Variants in ZNF385D observed in about 807,000 individuals in gnomAD.
ZNF385D encodes the protein zinc finger protein 385D.
Under a neutral mutation model 35.8 loss-of-function variants are expected in ZNF385D, and 15 were observed. The observed-to-expected ratio is 0.42, with a 90% CI of 0.28 to 0.64. The LOEUF is 0.64. Among genes scored for constraint, ZNF385D ranks in the 30% least tolerant of loss-of-function variants. The probability of loss-of-function intolerance (pLI) is 0.23; values close to 1 mark genes in which losing one functional copy is unlikely to be tolerated. For missense variants in ZNF385D, 474 were observed against 494.6 expected, an observed-to-expected ratio of 0.96 and a Z score of 0.39; for synonymous variants, 212 against 186.8, an observed-to-expected ratio of 1.13 and a Z score of -1.10.
chr3:21,760,809 T>C (rs975040478), intron 3 of ZNF385D, among the ~76,000 whole-genome samples: 2 of 152,142 alleles, frequency 1.3e-5, no homozygotes, highest in African/African-American at 4.8e-5. Flanking sequence ...GATAATTCAA[T>C]GGTAGTATTG....
chr3:22,167,689 T>A (rs937273880), intron 3 of ZNF385D, among the ~76,000 whole-genome samples: 3 of 152,146 alleles, frequency 2.0e-5, no homozygotes, highest in Non-Finnish European at 4.4e-5. Flanking sequence ...GCTGGCCAGG[T>A]GTTTCTGGCT....
intron 3 of ZNF385D, among the ~76,000 whole-genome samples, chr3:21,997,924 A>G (rs1176925047): frequency 6.6e-6 from 1 of 150,996 alleles, no homozygotes; most frequent in Admixed American, 6.6e-5. Context: ...AGAGAGAGAG[A>G]GAAATTAGGG....
At chr3:22,338,916 G>T (rs142721904) in intron 2 of ZNF385D, among the ~76,000 whole-genome samples, 4 of 151,860 alleles carry the variant, frequency 2.6e-5, no homozygotes, top group African/African-American at 4.8e-5. Context: ...GGCCAGGCTC[G>T]TCTCGAACTC....
intron 3 of ZNF385D, among the ~76,000 whole-genome samples, chr3:22,091,773 C>T (rs2695636): frequency 0.079 from 11,982 of 152,198 alleles, 604 homozygotes; most frequent in Middle Eastern, 0.16. Flanking sequence ...TTTCTCTTTG[C>T]CTGTTATATG....
intron 1 of ZNF385D, among the ~76,000 whole-genome samples, chr3:21,708,244 T>C (rs542492318): frequency 6.6e-6 from 1 of 152,350 alleles, no homozygotes; most frequent in South Asian, 2.1e-4. Flanking sequence ...GCAGCAGCAG[T>C]AACTGCTAAG....
In ZNF385D at chr3:21,796,031, G is replaced by T. The variant is rs918796244; in HGVS notation, c.326-131003C>A. Reference sequence around the variant, plus strand: ...ACTATGTGGCAATACTATCATAGCAGAGTCCAGAAAACTCTCAGTTTCTTC... The same window carrying T: ...ACTATGTGGCAATACTATCATAGCATAGTCCAGAAAACTCTCAGTTTCTTC... On this transcript the variant is annotated intron_variant, in intron 3 of 5. Coordinates refer to the ZNF385D transcript ENST00000494108. 2.0e-5 allele frequency among the ~76,000 whole-genome samples: 3 copies of T among 152,232 alleles called. No individual in the cohort carries two copies. The East Asian group carries it at 5.8e-4, about 29-fold the overall frequency.
chr3:21,765,628 G>T (rs1194497703), intron 3 of ZNF385D, among the ~76,000 whole-genome samples: 2 of 145,346 alleles, frequency 1.4e-5, no homozygotes, highest in African/African-American at 5.1e-5. Context: ...GTGCAAGATG[G>T]ATAAGCAACA....
intron 3 of ZNF385D, among the ~76,000 whole-genome samples, chr3:21,996,590 C>G (rs981868207): frequency 7.2e-5 from 11 of 152,194 alleles, no homozygotes; most frequent in African/African-American, 2.7e-4. Flanking sequence ...AGTGAGCACT[C>G]ACTGTCACAC....
chr3:22,205,839 G>C (rs1697113377), intron 2 of ZNF385D, among the ~76,000 whole-genome samples: 1 of 151,990 alleles, frequency 6.6e-6, no homozygotes, highest in Non-Finnish European at 1.5e-5. Flanking sequence ...AGGAAAGAAA[G>C]AAGGAAGAGA....
rs1025007613 is a variant in ZNF385D at position 21,627,052 on chromosome 3, GT to G, written c.165+37833del. ...TTTTTTTTGGACAATTTAGGGAGGT[GT>G]TTTTTTTTTTCTCCTACACAACTAA... On this transcript the variant is annotated intron_variant, in intron 2 of 7. Coordinates refer to ENST00000281523, the MANE Select transcript of ZNF385D (RefSeq NM_024697.3). Among the ~76,000 whole-genome samples the G allele has an allele frequency of 2.5e-3, 367 of 144,086 alleles. 2 individuals are homozygous for G. The highest frequency in any genetic ancestry group is 7.1e-3 in the African/African-American group (282 of 39,594). 94.5% of individuals were successfully genotyped at this position (144,086 alleles called of 152,430 possible). A position where few individuals can be genotyped will look rare whatever the true frequency, so the allele number is the denominator to read the frequency against.
At chr3:21,885,883 C>T (rs902488207) in intron 3 of ZNF385D, among the ~76,000 whole-genome samples, 3 of 151,734 alleles carry the variant, frequency 2.0e-5, no homozygotes, top group Non-Finnish European at 2.9e-5. Flanking sequence ...CAAAATAATT[C>T]CTCCTAGCTC....
intron 1 of ZNF385D, among the ~76,000 whole-genome samples, chr3:21,742,370 T>C (rs1374893313): frequency 6.6e-6 from 1 of 152,200 alleles, no homozygotes; most frequent in Non-Finnish European, 1.5e-5. Context: ...CTCTTACTGA[T>C]ACTTGAGGTG....
At chr3:21,844,205 A>G (rs764895725) in intron 3 of ZNF385D, among the ~76,000 whole-genome samples, 1 of 151,970 alleles carries the variant, frequency 6.6e-6, no homozygotes, top group South Asian at 2.1e-4. Flanking sequence ...TTGTTTTACA[A>G]ATTAGGAAAT....
At chr3:22,076,283 T>A (rs1700458784) in intron 3 of ZNF385D, among the ~76,000 whole-genome samples, 1 of 151,916 alleles carries the variant, frequency 6.6e-6, no homozygotes, top group Non-Finnish European at 1.5e-5. Flanking sequence ...CTGGTCTCTA[T>A]CTGTCCGACT....
rs532923138 is a variant in ZNF385D at position 22,337,668 on chromosome 3, C to T, written c.106+34782G>A. ...TGACATAGAGTTTAGAAATGTTTGCCTGATACTAATAGAAACCAAACAGCA... is the reference window on the plus strand; with the variant it reads ...TGACATAGAGTTTAGAAATGTTTGCTTGATACTAATAGAAACCAAACAGCA... On this transcript the variant is annotated intron_variant, in intron 2 of 5. Transcript: ENST00000494108. Among the ~76,000 whole-genome samples the T allele has an allele frequency of 3.5e-4, 54 of 152,272 alleles. 1 individual carries two copies. The highest frequency in any genetic ancestry group is 1.3e-3 in the African/African-American group (52 of 41,564).
In ZNF385D at chr3:21,636,351, T is replaced by C. The variant is rs568795843; in HGVS notation, c.165+28535A>G. On this transcript the variant is annotated intron_variant, in intron 2 of 7. Transcript: ENST00000281523. ...AGATATACATGATTTTACATATATA[T>C]GATTATATATGATTATATATATATG... is the stretch of plus-strand genomic sequence containing the variant. 3.2e-3 allele frequency among the ~76,000 whole-genome samples: 432 copies of C among 136,098 alleles called. 1 individual carries two copies. Among genetic ancestry groups the C allele is most frequent in the African/African-American group, 0.011 (420 of 36,950 alleles). The allele number at this position is 136,098 out of a possible 152,430, so 89.3% of individuals were successfully genotyped here.
chr3:21,620,359 C>G (rs984901407), intron 2 of ZNF385D, among the ~76,000 whole-genome samples: 3 of 152,154 alleles, frequency 2.0e-5, no homozygotes, highest in Non-Finnish European at 4.4e-5. Flanking sequence ...TTTAAACCCT[C>G]TTCCTCTGCC....
At chr3:21,496,703 A>G (rs1227690137) in intron 4 of ZNF385D, among the ~76,000 whole-genome samples, 1 of 151,740 alleles carries the variant, frequency 6.6e-6, no homozygotes, top group Non-Finnish European at 1.5e-5. Flanking sequence ...CGAATCTACC[A>G]TAATCAAATA....
At chr3:21,806,362 G>A (rs1040093921) in intron 3 of ZNF385D, among the ~76,000 whole-genome samples, 2 of 151,800 alleles carry the variant, frequency 1.3e-5, no homozygotes, top group Admixed American at 1.3e-4. Flanking sequence ...CTGTCACCAC[G>A]CCCGACTAAT....
Sources: gnomAD v4.1 joint callset for allele counts (sites outside exome capture counted in the v4.1 genomes callset) on GRCh38, gnomAD v4.1.1 for gene constraint, MANE v1.5 for transcripts, NCBI Gene and HGNC (gene_info 2026-07-23, HGNC 2026-07-21) for gene names.